The following SGCD variants were observed in gnomAD, a reference collection of about 807,000 sequenced individuals.
SGCD encodes the protein sarcoglycan delta, also known as delta-sarcoglycan.
Under a neutral mutation model 36.6 loss-of-function variants are expected in SGCD, and 18 were observed. The ratio of observed to expected loss-of-function variants is 0.49; its 90% CI spans 0.34 to 0.73. SGCD has a LOEUF of 0.73. SGCD is among the 30% of genes least tolerant of loss of function. The probability of loss-of-function intolerance (pLI) is 0.01; values close to 1 mark genes in which losing one functional copy is unlikely to be tolerated. For synonymous variants in SGCD, 133 were observed against 130.6 expected (o/e 1.02, Z -0.12); for missense variants, 387 against 346.7 (o/e 1.12, Z -0.92).
intron 1 of SGCD, among the ~76,000 whole-genome samples, chr5:155,920,867 G>A (rs1410755088): frequency 6.6e-6 from 1 of 152,148 alleles, no homozygotes; most frequent in Non-Finnish European, 1.5e-5. Flanking sequence ...TAAGGAATCT[G>A]TGTGGAGCCT....
intron 1 of SGCD, among the ~76,000 whole-genome samples, chr5:156,085,524 G>A (rs1761070729): frequency 6.6e-6 from 1 of 152,140 alleles, no homozygotes. Flanking sequence ...AGATGCCAGT[G>A]CCATGCATGT....
chr5:156,419,950 T>C lies in SGCD; in HGVS notation c.192+75273T>C, dbSNP rs550323032. Among the ~76,000 whole-genome samples the C allele has an allele frequency of 7.6e-4, 115 of 152,220 alleles. 1 individual carries two copies. The highest frequency in any genetic ancestry group is 2.7e-3 in the African/African-American group (111 of 41,544). ...TTTCTGTATCTTTGAGCAGGGTAAC[T>C]GTATACCAGTGGATGGAAGAGCCTA... On this transcript the variant is annotated intron_variant, in intron 3 of 8. Coordinates refer to ENST00000337851, the MANE Select transcript of SGCD (RefSeq NM_000337.6).
chr5:156,122,843 TAAAAAAAAAAAAAAAAAAAAAAA>T (rs33983852), intron 2 of SGCD, among the ~76,000 whole-genome samples: 25,191 of 54,394 alleles, frequency 0.46, 3,765 homozygotes, highest in Middle Eastern at 0.55. Flanking sequence ...AAAGATGTGG[TAAAAAAAAAAAAAAAAAAAAAAA>T]AAAAAAAAAA....
intron 3 of SGCD, among the ~76,000 whole-genome samples, chr5:156,428,662 G>T (rs1008440021): frequency 6.6e-6 from 1 of 151,962 alleles, no homozygotes; most frequent in East Asian, 1.9e-4. Flanking sequence ...GACTTTTGAT[G>T]TACTCATTTA....
chr5:156,483,530 C>A (rs941492202), intron 3 of SGCD, among the ~76,000 whole-genome samples: 1 of 152,142 alleles, frequency 6.6e-6, no homozygotes, highest in Non-Finnish European at 1.5e-5. Context: ...TGCATTTGTG[C>A]ATCGATAACC....
At chr5:156,088,020 C>A (rs879912282) in intron 1 of SGCD, among the ~76,000 whole-genome samples, 2 of 152,104 alleles carry the variant, frequency 1.3e-5, no homozygotes, top group African/African-American at 2.4e-5. Context: ...CCAGTTAATG[C>A]CAGGTCACTG....
intron 3 of SGCD, among the ~76,000 whole-genome samples, chr5:156,374,242 C>T (rs1399426908): frequency 6.6e-6 from 1 of 151,922 alleles, no homozygotes; most frequent in African/African-American, 2.4e-5. Flanking sequence ...AAGGACTTTT[C>T]TTACCCAAAA....
intron 6 of SGCD, among the ~76,000 whole-genome samples, chr5:156,614,879 C>T (rs1761962832): frequency 6.6e-6 from 1 of 152,170 alleles, no homozygotes; most frequent in Non-Finnish European, 1.5e-5. Context: ...CCTTATGGGG[C>T]CACCATTCTC....
intron 3 of SGCD, among the ~76,000 whole-genome samples, chr5:156,147,832 TAGA>T (rs1581129751): frequency 6.6e-6 from 1 of 152,354 alleles, no homozygotes; most frequent in East Asian, 1.9e-4. Flanking sequence ...GGAACTCATA[TAGA>T]AGGACTGCCA....
At chr5:155,929,143 T>A (rs1253603988) in intron 1 of SGCD, among the ~76,000 whole-genome samples, 2 of 152,122 alleles carry the variant, frequency 1.3e-5, no homozygotes, top group Admixed American at 6.5e-5. Context: ...TTTTAGTGAC[T>A]TTTTTTCTGT....
intron 1 of SGCD, among the ~76,000 whole-genome samples, chr5:155,959,259 T>A (rs1757737063): frequency 6.6e-6 from 1 of 152,154 alleles, no homozygotes; most frequent in South Asian, 2.1e-4. Context: ...CATTCCTTTA[T>A]CTCACATATA....
At chr5:156,603,842 G>A (rs922857307) in intron 6 of SGCD, among the ~76,000 whole-genome samples, 2 of 151,950 alleles carry the variant, frequency 1.3e-5, no homozygotes, top group Non-Finnish European at 1.5e-5. Flanking sequence ...AATGTTAAAC[G>A]TGTAATTGAA....
At chr5:156,410,461 C>T (rs1253265527) in intron 3 of SGCD, among the ~76,000 whole-genome samples, 1 of 152,196 alleles carries the variant, frequency 6.6e-6, no homozygotes, top group Non-Finnish European at 1.5e-5. Context: ...TACCCCAAAC[C>T]TCAGTGTCGT....
the SGCD span, among the ~76,000 whole-genome samples, chr5:155,859,819 G>A: frequency 6.6e-6 from 1 of 152,118 alleles, no homozygotes; most frequent in Admixed American, 6.6e-5. Context: ...CCATGGCTGT[G>A]GCCTTAAAAA....
At chr5:156,477,376 T>C (rs1581049344) in intron 3 of SGCD, among the ~76,000 whole-genome samples, 1 of 152,216 alleles carries the variant, frequency 6.6e-6, no homozygotes, top group Non-Finnish European at 1.5e-5. Flanking sequence ...TTCTCATCTT[T>C]GGATAAACAT....
At chr5:156,627,449 T>C (rs1194012281) in intron 6 of SGCD, among the ~76,000 whole-genome samples, 1 of 152,222 alleles carries the variant, frequency 6.6e-6, no homozygotes, top group Non-Finnish European at 1.5e-5. Context: ...AATGGAATCT[T>C]CTTATAAAAT....
At chr5:156,757,480 A>C in intron 7 of SGCD, 101 bp from the exon 8 acceptor site, 1 of 754,308 alleles carries the variant, frequency 1.3e-6, no homozygotes, top group East Asian at 2.7e-5. Context: ...TTCTCTGATC[A>C]AATACTGGAA....
intron 1 of SGCD, among the ~76,000 whole-genome samples, chr5:155,934,003 G>A (rs575309456): frequency 6.6e-6 from 1 of 152,318 alleles, no homozygotes; most frequent in Admixed American, 6.5e-5. Context: ...ACACTGCCAT[G>A]TGGGAGCATC....
chr5:156,724,421 G>A (rs1274210913), intron 7 of SGCD, among the ~76,000 whole-genome samples: 1 of 152,050 alleles, frequency 6.6e-6, no homozygotes, highest in Admixed American at 6.6e-5. Flanking sequence ...TGGCTAACAC[G>A]GTGAAACCCC....
Sources: gnomAD v4.1 joint callset for allele counts (sites outside exome capture counted in the v4.1 genomes callset) on GRCh38, gnomAD v4.1.1 for gene constraint, MANE v1.5 for transcripts, NCBI Gene and HGNC (gene_info 2026-07-23, HGNC 2026-07-21) for gene names.